ZBTB24: variants seen among roughly 807,000 people sequenced by gnomAD.
ZBTB24 encodes the protein zinc finger and BTB domain-containing protein 24.
ZBTB24 carries 32 observed loss-of-function variants against 53.8 expected under a neutral mutation model. The observed-to-expected ratio is 0.60, with a 90% confidence interval of 0.45 to 0.80. The LOEUF (loss-of-function observed/expected upper bound fraction) is 0.80, where lower values mean the gene tolerates loss of function less well. Ranked by LOEUF, ZBTB24 falls within the 30% of genes least tolerant of loss-of-function variation. ZBTB24 has a pLI of 0.00. For synonymous variants in ZBTB24, 297 were observed against 306.7 expected, an observed-to-expected ratio of 0.97 and a Z score of 0.33; for missense variants, 722 against 837.1, an observed-to-expected ratio of 0.86 and a Z score of 1.70.
chr6:109,477,864 A>T (rs1776312826), intron 2 of ZBTB24, among the ~76,000 whole-genome samples: 1 of 152,218 alleles, frequency 6.6e-6, no homozygotes, highest in Non-Finnish European at 1.5e-5. Flanking sequence ...GTCCAAGGTG[A>T]GAGAGCAAAG....
intron 3 of ZBTB24, 63 bp downstream of exon 3, chr6:109,476,687 CCATTTAGGTGTTG>C: frequency 6.4e-7 from 1 of 1,553,828 alleles, no homozygotes; most frequent in Non-Finnish European, 8.7e-7. Flanking sequence ...TGAGAAAACA[CCATTTAGGTGTTG>C]GTAATGCCCA....
intron 6 of ZBTB24, 136 bp downstream of exon 6, chr6:109,467,517 G>T: frequency 6.5e-7 from 1 of 1,547,140 alleles, no homozygotes; most frequent in Middle Eastern, 1.7e-4. Flanking sequence ...ACAAAACAAA[G>T]CCAAAGTAAT....
At position 109,467,688 on chromosome 6, in the gene ZBTB24, T is replaced by G. The variant is rs773761074; in HGVS notation, c.1335A>C (p.Ala445=). Residue 445 remains alanine (A), a synonymous_variant, in exon 6 of 7, where the codon GCA becomes GCC. Coordinates refer to ENST00000230122, the MANE Select transcript of ZBTB24 (RefSeq NM_014797.3). ...TGATGTGGGTCTGAAGAGAACTCTTTGCTGTGAAAGATTTGCCACAGATTT... is the reference window on the plus strand; with the variant it reads ...TGATGTGGGTCTGAAGAGAACTCTTGGCTGTGAAAGATTTGCCACAGATTT... ...TCEICGKSFT[A]KSSLQTHIRI... 1.1e-5 allele frequency: 17 copies of G among 1,613,990 alleles called. No individual in the cohort carries two copies. In the South Asian group the frequency reaches 1.2e-4, roughly 11 times the overall value.
At position 109,483,146 on chromosome 6, in the gene ZBTB24, C is replaced by T. The variant is rs1201018597; in HGVS notation, c.-77G>A. 1 of 152,116 alleles carries T rather than the reference C, an allele frequency of 6.6e-6. No individual in the cohort carries two copies. Among genetic ancestry groups the T allele is most frequent in the African/African-American group, 2.4e-5 (1 of 41,418 alleles). The allele number at this position is 152,116 out of a possible 1,614,324, so 9.4% of individuals were successfully genotyped here. The stretch of plus-strand genomic sequence containing the variant: ...CGCCGGGGCCCGCTGGCCCTCCGCT[C>T]CGCCCCGCCCGCCTCTGGGGCTTCT... On this transcript the variant is annotated 5_prime_UTR_variant, in exon 1 of 7. Transcript: ENST00000230122.
At chr6:109,470,132 A>T (rs961396838) in intron 5 of ZBTB24, among the ~76,000 whole-genome samples, 4 of 152,212 alleles carry the variant, frequency 2.6e-5, no homozygotes, top group African/African-American at 9.6e-5. Context: ...AGGTAATAGG[A>T]CAGGGCCTGA....
chr6:109,478,122 A>T (rs374670223), intron 2 of ZBTB24, among the ~76,000 whole-genome samples: 3 of 152,274 alleles, frequency 2.0e-5, no homozygotes, highest in East Asian at 3.9e-4. Flanking sequence ...TTAGGATTAA[A>T]CAAGTTTTAC....
chr6:109,476,000 A>G (rs1776270176), intron 4 of ZBTB24, among the ~76,000 whole-genome samples, 175 bp downstream of exon 4: 1 of 152,344 alleles, frequency 6.6e-6, no homozygotes, highest in Non-Finnish European at 1.5e-5. Context: ...CATAATTCAC[A>G]TGGTGGCGGA....
At chr6:109,470,557 T>A (rs1388720288) in intron 5 of ZBTB24, among the ~76,000 whole-genome samples, 1 of 152,088 alleles carries the variant, frequency 6.6e-6, no homozygotes, top group Non-Finnish European at 1.5e-5. Context: ...AATGACAACA[T>A]CACCCAGCCC....
intron 2 of ZBTB24, among the ~76,000 whole-genome samples, chr6:109,479,651 G>C (rs536162119): frequency 6.6e-6 from 1 of 152,132 alleles, no homozygotes; most frequent in East Asian, 1.9e-4. Context: ...GCGCAGTGGC[G>C]CACGCCTGTA....
Position 109,481,090 on chromosome 6 carries a change from G to A in ZBTB24, c.937C>T (p.Gln313Ter). Residue 313 changes from glutamine to a stop codon, truncating the protein, a stop_gained, in exon 2 of 7, where the codon CAG (glutamine) becomes TAG (stop). Transcript: ENST00000230122. LOFTEE classifies it high-confidence loss of function. ...FKYNHFLAIHQRSHTGERPFK... is the reference protein window; with the variant it reads ...FKYNHFLAIH ...ACATCATTACCTGTGTGGCTCCTCT[G>A]GTGGATTGCTAAAAAGTGATTGTAC... The A allele has an allele frequency of 6.2e-7, 1 of 1,614,106 alleles. No homozygotes were observed. Among genetic ancestry groups the A allele is most frequent in the Non-Finnish European group, 8.5e-7 (1 of 1,180,000 alleles).
In ZBTB24 at chr6:109,476,253, T is replaced by C; in HGVS notation, c.1126A>G (p.Lys376Glu). Residue 376 changes from lysine (K) to glutamate (E), a missense_variant, in exon 4 of 7, where the codon AAG becomes GAG. Lys to Glu is a moderately conservative substitution (Grantham distance 56, BLOSUM62 1). Transcript: ENST00000230122. ...LEHMSLHSGQ[K>E]SFTCDQCGKY... ...CCGCATTGATCACAGGTAAAAGACT[T>C]CTGTCCTGCCAAAAAAACCAAAACA... 4 of 1,614,146 alleles carry C rather than the reference T, an allele frequency of 2.5e-6. No homozygotes were observed. The highest frequency in any genetic ancestry group is 3.4e-6 in the Non-Finnish European group (4 of 1,180,012).
At chr6:109,478,694 T>G (rs998257317) in intron 2 of ZBTB24, among the ~76,000 whole-genome samples, 4 of 151,758 alleles carry the variant, frequency 2.6e-5, no homozygotes, top group Admixed American at 6.6e-5. Flanking sequence ...GCCTAAGAAA[T>G]AAATAAAATA....
intron 5 of ZBTB24, among the ~76,000 whole-genome samples, chr6:109,471,429 T>G (rs545328627): frequency 1.6e-4 from 25 of 152,314 alleles, no homozygotes; most frequent in African/African-American, 5.5e-4. Context: ...AACACACAGT[T>G]GAAGAGATTT....
chr6:109,467,808 A>T, intron 5 of ZBTB24, 74 bp from the exon 6 acceptor site: 1 of 1,515,514 alleles, frequency 6.6e-7, no homozygotes, highest in Non-Finnish European at 8.9e-7. Flanking sequence ...AGAATAAGAC[A>T]AAATTAAAAA....
At chr6:109,476,661 GGAAAT>G in intron 3 of ZBTB24, 97 bp downstream of exon 3, 1 of 1,472,588 alleles carries the variant, frequency 6.8e-7, no homozygotes, top group South Asian at 1.2e-5. Context: ...ACACCACGTT[GGAAAT>G]GATACTAGGC....
rs575115601 is a variant in ZBTB24 at position 109,465,300 on chromosome 6, G to A, written c.*551C>T. 7.8e-6 allele frequency: 2 copies of A among 256,910 alleles called. No homozygotes were observed. The highest frequency in any genetic ancestry group is 2.2e-5 in the African/African-American group (1 of 44,832). 15.9% of individuals were successfully genotyped at this position (256,910 alleles called of 1,614,324 possible). A position where few individuals can be genotyped will look rare whatever the true frequency, so the allele number is the denominator to read the frequency against. On this transcript the variant is annotated 3_prime_UTR_variant, in exon 7 of 7. Transcript: ENST00000230122. ...CCACTGTACTGCATAAAGATAAAAC[G>A]TTGAGGGTTACTTTGTCTTAGGGGA...
At chr6:109,467,600 ACAG>A in intron 6 of ZBTB24, 50 bp downstream of exon 6, 1 of 1,613,802 alleles carries the variant, frequency 6.2e-7, no homozygotes, top group African/African-American at 1.3e-5. Context: ...ACCTCACTGA[ACAG>A]CAGAACTGAA....
Position 109,474,463 on chromosome 6 carries a change from T to G in ZBTB24, c.1288+936A>C, listed in dbSNP as rs577424409. On this transcript the variant is annotated intron_variant, in intron 5 of 6. Transcript: ENST00000230122. Reference sequence around the variant, plus strand: ...AAAAATAATCTTGGGCCAGGCACAGTGGCTCACGCCTGTAATCCCAGCACT... The same window carrying G: ...AAAAATAATCTTGGGCCAGGCACAGGGGCTCACGCCTGTAATCCCAGCACT... 9.8e-5 allele frequency among the ~76,000 whole-genome samples: 15 copies of G among 152,324 alleles called. No individual in the cohort carries two copies. The South Asian group carries it at 2.9e-3, about 29-fold the overall frequency.
At position 109,465,509 on chromosome 6, in the gene ZBTB24, TGGCAAGAC is replaced by T. The variant is rs1776011426; in HGVS notation, c.*334_*341del. ...AACAAAAAAACATAACTGGGGAGGTTGGCAAGACCATAACCTATGGCTGTGAACATTTA... is the reference window on the plus strand; with the variant it reads ...AACAAAAAAACATAACTGGGGAGGTTCATAACCTATGGCTGTGAACATTTA... On this transcript the variant is annotated 3_prime_UTR_variant, in exon 7 of 7. Coordinates refer to ENST00000230122, the MANE Select transcript of ZBTB24 (RefSeq NM_014797.3). The T allele has an allele frequency of 1.2e-6, 1 of 810,712 alleles. No homozygotes were observed. The highest frequency in any genetic ancestry group is 1.9e-5 in the South Asian group (1 of 53,102). The allele number at this position is 810,712 out of a possible 1,614,324, so 50.2% of individuals were successfully genotyped here.
Sources: gnomAD v4.1 joint callset for allele counts (sites outside exome capture counted in the v4.1 genomes callset) on GRCh38, gnomAD v4.1.1 for gene constraint, MANE v1.5 for transcripts, NCBI Gene and HGNC (gene_info 2026-07-23, HGNC 2026-07-21) for gene names.